Variants in PADI6 observed in about 807,000 individuals in gnomAD.
PADI6 encodes peptidyl arginine deiminase 6, also known as inactive protein-arginine deiminase type-6.
PADI6 carries 66 observed loss-of-function variants against 78.2 expected under a neutral mutation model. The ratio of observed to expected loss-of-function variants is 0.84; its 90% CI spans 0.69 to 1.04. The LOEUF (loss-of-function observed/expected upper bound fraction) is 1.04, where lower values mean the gene tolerates loss of function less well. Among genes scored for constraint, PADI6 ranks in the 50% least tolerant of loss-of-function variants. The pLI, the probability that PADI6 is intolerant of heterozygous loss-of-function variation, is 0.00. For missense variants in PADI6, 854 were observed against 866.1 expected, an observed-to-expected ratio of 0.99 and a Z score of 0.18; for synonymous variants, 397 against 346.9, an observed-to-expected ratio of 1.14 and a Z score of -1.60.
In PADI6 at chr1:17,388,541, G is replaced by A. The variant is rs536583742; in HGVS notation, c.840G>A (p.Val280=). ...SGLISYSVSL[V]EESQDPSIPE... is the part of the protein sequence containing the mutation. ...TCATCTCCTACTCTGTGTCCCTGGTGGAGGAGTCTCAAGACCCGGTATGTC... is the reference window on the plus strand; with the variant it reads ...TCATCTCCTACTCTGTGTCCCTGGTAGAGGAGTCTCAAGACCCGGTATGTC... Residue 280 remains valine, a synonymous_variant, in exon 7 of 16, where the codon GTG becomes GTA. Transcript: ENST00000619609. The A allele has an allele frequency of 1.3e-5, 21 of 1,612,442 alleles. No homozygotes were observed. In the South Asian group the frequency reaches 2.1e-4, roughly 16 times the overall value.
In PADI6 at chr1:17,397,173, G is replaced by GA. The variant is rs754943984; in HGVS notation, c.1689+35dup. Reference sequence around the variant, plus strand: ...CCAGTGTGAAGGGGGCCATCCCCAAGAAAGAGCTGGTGCCGCAGGTCTTGC... The same window carrying GA: ...CCAGTGTGAAGGGGGCCATCCCCAAGAAAAGAGCTGGTGCCGCAGGTCTTGC... On this transcript the variant is annotated intron_variant, in intron 14 of 15. Coordinates refer to ENST00000619609, the MANE Select transcript of PADI6 (RefSeq NM_207421.4). 6.8e-6 allele frequency: 11 copies of GA among 1,610,960 alleles called. No individual in the cohort carries two copies. In the Admixed American group the frequency reaches 1.8e-4, roughly 27 times the overall value.
At chr1:17,379,111 ATTTTTTT>A (rs144547124) in intron 3 of PADI6, among the ~76,000 whole-genome samples, 2 of 100,846 alleles carry the variant, frequency 2.0e-5, no homozygotes, top group African/African-American at 5.8e-5. Context: ...TGCCCAGTTA[ATTTTTTT>A]TTTTTTTTTT....
intron 1 of PADI6, among the ~76,000 whole-genome samples, chr1:17,372,784 C>A (rs567861215): frequency 4.6e-5 from 7 of 152,230 alleles, no homozygotes; most frequent in South Asian, 2.1e-4. Flanking sequence ...GTGGCTCCCC[C>A]CTTCTTGGGA....
chr1:17,388,747 G>A, intron 7 of PADI6, 30 bp from the exon 8 acceptor site: 2 of 1,598,302 alleles, frequency 1.3e-6, no homozygotes, highest in Non-Finnish European at 1.7e-6. Flanking sequence ...TGTGGAAGCA[G>A]GTTGCTAACA....
intron 14 of PADI6, among the ~76,000 whole-genome samples, chr1:17,398,281 C>T (rs1305872466): frequency 1.3e-5 from 2 of 152,180 alleles, no homozygotes; most frequent in Non-Finnish European, 2.9e-5. Flanking sequence ...ATCTCCCAGC[C>T]CCTGGCGACA....
chr1:17,392,472 C>G (rs911523021), intron 9 of PADI6, among the ~76,000 whole-genome samples: 5 of 152,210 alleles, frequency 3.3e-5, no homozygotes, highest in Admixed American at 2.6e-4. Context: ...CCACAGAACC[C>G]TAACCCCCAG....
In PADI6 at chr1:17,372,266, A is replaced by C. The variant is rs1387013273; in HGVS notation, c.21A>C (p.Arg7=). 6.2e-7 allele frequency: 1 copy of C among 1,613,904 alleles called. No homozygotes were observed. Among genetic ancestry groups the C allele is most frequent in the East Asian group, 2.2e-5 (1 of 44,848 alleles). MVSVEG[R]AMSFQSIIHL... is the part of the protein sequence containing the mutation. ...TGAGGATGGTCAGCGTGGAGGGCCGAGCCATGTCCTTCCAGAGTATCATCC... is the reference window on the plus strand; with the variant it reads ...TGAGGATGGTCAGCGTGGAGGGCCGCGCCATGTCCTTCCAGAGTATCATCC... Residue 7 remains arginine, a synonymous_variant, in exon 1 of 16, where the codon CGA becomes CGC. Coordinates refer to ENST00000619609, the MANE Select transcript of PADI6 (RefSeq NM_207421.4).
chr1:17,378,453 T>C (rs763301342), intron 3 of PADI6, among the ~76,000 whole-genome samples: 9 of 152,158 alleles, frequency 5.9e-5, no homozygotes, highest in Non-Finnish European at 1.3e-4. Context: ...GGAATCAGCA[T>C]GTCAAATAAT....
intron 9 of PADI6, 102 bp downstream of exon 9, chr1:17,392,327 C>T (rs556223000): frequency 5.5e-5 from 48 of 873,868 alleles, no homozygotes; most frequent in South Asian, 3.2e-4. Flanking sequence ...CCTTAAAGAC[C>T]GAAGCCTTGA....
intron 13 of PADI6, 118 bp downstream of exon 13, chr1:17,395,781 T>C: frequency 7.5e-7 from 1 of 1,333,452 alleles, no homozygotes; most frequent in Non-Finnish European, 1.0e-6. Flanking sequence ...ACAGAAGCTG[T>C]TGGAATTGCC....
Position 17,392,128 on chromosome 1 carries a change from A to G in PADI6, c.977A>G (p.Gln326Arg), listed in dbSNP as rs1017424322. The change falls in exon 9 of 16, where the codon CAG becomes CGG. Residue 326 changes from glutamine to arginine, a missense_variant. Coordinates refer to ENST00000619609, the MANE Select transcript of PADI6 (RefSeq NM_207421.4). ...TCCCATGGCAGGGAGCTGCAGCTGC[A>G]GGGTTTTGTGGACACAGTGACGAAG... Reference protein sequence around the residue: ...EVYLCRELQLQGFVDTVTKLS... With the variant: ...EVYLCRELQLRGFVDTVTKLS... The G allele has an allele frequency of 1.3e-6, 2 of 1,557,656 alleles. No homozygotes were observed. The highest frequency in any genetic ancestry group is 1.4e-5 in the African/African-American group (1 of 73,376).
At position 17,401,436 on chromosome 1, in the gene PADI6, T is replaced by A; in HGVS notation, c.2083T>A (p.Ter695LysextTer73). 6.2e-7 allele frequency: 1 copy of A among 1,613,316 alleles called. No homozygotes were observed. The highest frequency in any genetic ancestry group is 8.5e-7 in the Non-Finnish European group (1 of 1,179,420). The part of the protein sequence containing the change: ...FAFKWWKMVP[*>K] ...CTTCAAATGGTGGAAGATGGTACCTTAGACCCAGGCCCTGGAGCTGCCAGC... is the reference window on the plus strand; with the variant it reads ...CTTCAAATGGTGGAAGATGGTACCTAAGACCCAGGCCCTGGAGCTGCCAGC... The change falls in exon 16 of 16, where the codon TAG (stop) becomes AAG (lysine). Residue 695 changes from the stop codon to lysine, a stop_lost. Transcript: ENST00000619609.
At chr1:17,380,103 G>T in intron 4 of PADI6, 116 bp downstream of exon 4, 1 of 977,044 alleles carries the variant, frequency 1.0e-6, no homozygotes, top group Non-Finnish European at 1.6e-6. Flanking sequence ...ATTGCTGAAG[G>T]ATTAGATACG....
At chr1:17,393,614 C>G (rs2075214699) in intron 9 of PADI6, among the ~76,000 whole-genome samples, 1 of 152,156 alleles carries the variant, frequency 6.6e-6, no homozygotes. Context: ...GCTGGGATTA[C>G]AGGCATGAGC....
At chr1:17,397,999 A>G (rs961719468) in intron 14 of PADI6, among the ~76,000 whole-genome samples, 4 of 152,210 alleles carry the variant, frequency 2.6e-5, no homozygotes, top group Non-Finnish European at 5.9e-5. Context: ...CAGGGTCACC[A>G]AACTTCAGAG....
At chr1:17,389,622 G>A (rs1246763571) in intron 8 of PADI6, among the ~76,000 whole-genome samples, 1 of 152,206 alleles carries the variant, frequency 6.6e-6, no homozygotes, top group African/African-American at 2.4e-5. Flanking sequence ...CCGGCTTCAG[G>A]GAATCCAGGA....
intron 14 of PADI6, among the ~76,000 whole-genome samples, chr1:17,398,142 C>T (rs2075264174): frequency 6.6e-6 from 1 of 152,202 alleles, no homozygotes; most frequent in Non-Finnish European, 1.5e-5. Flanking sequence ...TCACTGGGTC[C>T]TTAACATTCC....
intron 3 of PADI6, 25 bp downstream of exon 3, chr1:17,375,524 CT>C (rs1179255959): frequency 7.6e-6 from 12 of 1,578,818 alleles, no homozygotes; most frequent in Non-Finnish European, 1.0e-5. Flanking sequence ...AACTGGGAGC[CT>C]GGGGCCCAAC....
chr1:17,379,274 C>T (rs578051938), intron 3 of PADI6, among the ~76,000 whole-genome samples: 6 of 149,360 alleles, frequency 4.0e-5, no homozygotes, highest in South Asian at 2.1e-4. Context: ...CCACCTCGCC[C>T]GGCTAATTTT....
Sources: gnomAD v4.1 joint callset for allele counts (sites outside exome capture counted in the v4.1 genomes callset) on GRCh38, gnomAD v4.1.1 for gene constraint, MANE v1.5 for transcripts, NCBI Gene and HGNC (gene_info 2026-07-23, HGNC 2026-07-21) for gene names.